Variants in NRXN1 observed in about 807,000 individuals in gnomAD.
NRXN1 encodes the protein neurexin-1.
A neutral mutation model predicts 150.9 loss-of-function variants in NRXN1; 39 were observed. The ratio of observed to expected loss-of-function variants is 0.26; its 90% CI spans 0.20 to 0.34. NRXN1 has a LOEUF of 0.34. Among genes scored for constraint, NRXN1 ranks in the 10% least tolerant of loss-of-function variants. NRXN1 has a pLI of 1.00. For missense variants in NRXN1, 1,815 were observed against 1,949.9 expected (o/e 0.93, Z 1.30); for synonymous variants, 924 against 757.0 (o/e 1.22, Z -3.62).
At chr2:50,179,042 T>C (rs1263663668) in intron 18 of NRXN1, among the ~76,000 whole-genome samples, 1 of 152,172 alleles carries the variant, frequency 6.6e-6, no homozygotes, top group Non-Finnish European at 1.5e-5. Flanking sequence ...TATTTTTAGG[T>C]GTCTTAGTTC....
intron 5 of NRXN1, among the ~76,000 whole-genome samples, chr2:50,684,901 A>G (rs1007025401): frequency 6.6e-6 from 1 of 152,178 alleles, no homozygotes; most frequent in Non-Finnish European, 1.5e-5. Context: ...GAGTACTGGG[A>G]ATATCATCCT....
rs895634332 is a variant in NRXN1, at chr2:50,379,900, C to G, written c.3364+85542G>C. Among the ~76,000 whole-genome samples, 6 of 151,944 alleles carry G rather than the reference C, an allele frequency of 3.9e-5. No homozygotes were observed. In the East Asian group the frequency reaches 5.8e-4, roughly 15 times the overall value. On this transcript the variant is annotated intron_variant, in intron 17 of 22. Coordinates refer to ENST00000401669, the MANE Select transcript of NRXN1 (RefSeq NM_001330078.2). ...CACTAATCCTTCTTTATAGCCTAAC[C>G]CTTTGAGAAATAAGATTATGTTCCC...
rs1479236048 is a variant in NRXN1 at position 50,623,409 on chromosome 2, C to T, written c.1039G>A (p.Gly347Arg). ...ACTAGTGCTTCAAAGGCCCCTGATC[C>T]CAAATTAATGACCAGAGAGACAGCT... is the stretch of plus-strand genomic sequence containing the variant. ...NGAVSLVINL[G>R]SGAFEALVEP... is the part of the protein sequence containing the mutation. The change falls in exon 6 of 23, where the codon GGA (glycine) becomes AGA (arginine). Residue 347 changes from glycine (G) to arginine (R), a missense_variant. Coordinates refer to ENST00000401669, the MANE Select transcript of NRXN1 (RefSeq NM_001330078.2). The T allele has an allele frequency of 6.2e-7, 1 of 1,613,320 alleles. No individual in the cohort carries two copies.
intron 18 of NRXN1, among the ~76,000 whole-genome samples, chr2:50,098,266 T>C (rs1198999811): frequency 6.6e-6 from 1 of 152,198 alleles, no homozygotes; most frequent in Non-Finnish European, 1.5e-5. Flanking sequence ...GTCTGTTTTC[T>C]GCTCCTGGGA....
intron 21 of NRXN1, among the ~76,000 whole-genome samples, chr2:50,029,612 A>G (rs2152566495): frequency 6.6e-6 from 1 of 152,222 alleles, no homozygotes; most frequent in African/African-American, 2.4e-5. Context: ...GTTTCCTGCA[A>G]GTCAAGCAAA....
intron 16 of NRXN1, among the ~76,000 whole-genome samples, chr2:50,468,946 CA>C (rs1448750808): frequency 2.0e-5 from 3 of 151,464 alleles, no homozygotes; most frequent in Non-Finnish European, 4.4e-5. Flanking sequence ...TACAGTTGTA[CA>C]AAAAGAGCAT....
At chr2:50,419,983 T>TA (rs1225133445) in intron 17 of NRXN1, among the ~76,000 whole-genome samples, 2 of 151,990 alleles carry the variant, frequency 1.3e-5, no homozygotes, top group African/African-American at 4.8e-5. Context: ...TGGCCAGCCT[T>TA]ACACGTGTAA....
At chr2:50,431,647 T>C (rs1289936295) in intron 17 of NRXN1, among the ~76,000 whole-genome samples, 1 of 152,226 alleles carries the variant, frequency 6.6e-6, no homozygotes, top group Non-Finnish European at 1.5e-5. Context: ...AACATAATTG[T>C]CCAGGAAGTG....
chr2:50,592,325 C>A (rs1329917850), intron 8 of NRXN1, among the ~76,000 whole-genome samples: 1 of 152,226 alleles, frequency 6.6e-6, no homozygotes. Context: ...CCAGAGTGAT[C>A]TAAACAGCCT....
At chr2:50,263,921 T>C (rs546493791) in intron 17 of NRXN1, among the ~76,000 whole-genome samples, 32 of 152,166 alleles carry the variant, frequency 2.1e-4, no homozygotes, top group Non-Finnish European at 3.8e-4. Flanking sequence ...TTGGAGATCA[T>C]TTAGCAAGTG....
chr2:50,564,438 T>C (rs1669557744), intron 8 of NRXN1, among the ~76,000 whole-genome samples: 1 of 152,186 alleles, frequency 6.6e-6, no homozygotes, highest in South Asian at 2.1e-4. Context: ...AAAATACTTC[T>C]CAAATTTCGT....
At chr2:49,990,101 T>TA (rs573643042) in intron 21 of NRXN1, among the ~76,000 whole-genome samples, 2,671 of 144,486 alleles carry the variant, frequency 0.018, 30 homozygotes, top group East Asian at 0.043. Flanking sequence ...AGCAATAAAT[T>TA]TAAAAAAAAA....
intron 5 of NRXN1, chr2:50,829,712 A>G (rs1180964767): frequency 3.1e-6 from 5 of 1,598,984 alleles, no homozygotes; most frequent in Admixed American, 3.4e-5. Flanking sequence ...GCACACCCAG[A>G]GCTCGCCCAC....
At chr2:50,272,849 C>T (rs911038772) in intron 17 of NRXN1, among the ~76,000 whole-genome samples, 1 of 151,872 alleles carries the variant, frequency 6.6e-6, no homozygotes, top group Non-Finnish European at 1.5e-5. Context: ...AAAATGCATG[C>T]TACTTATTAA....
chr2:50,421,129 T>C (rs773924202), intron 17 of NRXN1, among the ~76,000 whole-genome samples: 1 of 151,882 alleles, frequency 6.6e-6, no homozygotes, highest in Non-Finnish European at 1.5e-5. Context: ...CAGAAATTTT[T>C]TTTTCCGGGT....
chr2:50,767,890 T>G (rs1423655090), intron 5 of NRXN1, among the ~76,000 whole-genome samples: 1 of 152,118 alleles, frequency 6.6e-6, no homozygotes, highest in Admixed American at 6.6e-5. Context: ...GTTTGTTTCA[T>G]TATAAACTTG....
At chr2:50,310,982 C>T (rs1185607234) in intron 17 of NRXN1, among the ~76,000 whole-genome samples, 3 of 152,072 alleles carry the variant, frequency 2.0e-5, no homozygotes, top group African/African-American at 7.2e-5. Context: ...ATTTGTATAA[C>T]ATAAATTCCA....
At chr2:49,948,866 G>A (rs987904395) in intron 21 of NRXN1, among the ~76,000 whole-genome samples, 2 of 151,876 alleles carry the variant, frequency 1.3e-5, no homozygotes, top group Non-Finnish European at 2.9e-5. Flanking sequence ...AGAAGCATTA[G>A]CTTTACATAA....
chr2:50,240,179 A>G (rs1413982781), intron 17 of NRXN1, among the ~76,000 whole-genome samples: 1 of 151,744 alleles, frequency 6.6e-6, no homozygotes, highest in Non-Finnish European at 1.5e-5. Flanking sequence ...ATGACTTTAC[A>G]GTTTTTTAGG....
Sources: allele counts gnomAD v4.1 joint callset (sites outside exome capture counted in the v4.1 genomes callset), GRCh38; gene constraint gnomAD v4.1.1; transcripts MANE v1.5; gene names NCBI Gene and HGNC (gene_info 2026-07-23, HGNC 2026-07-21).